The following FRY variants were observed in gnomAD, a reference collection of about 807,000 sequenced individuals.
The protein encoded by FRY is protein furry homolog.
In FRY, 128 loss-of-function variants were observed where a neutral mutation model predicts 348.4. The ratio of observed to expected loss-of-function variants is 0.37; its 90% confidence interval spans 0.32 to 0.43. The LOEUF (loss-of-function observed/expected upper bound fraction) is 0.43. Ranked by LOEUF, FRY falls within the 20% of genes least tolerant of loss-of-function variation. FRY has a pLI of 1.00. For missense variants in FRY, 2,736 were observed against 3,695.2 expected (o/e 0.74, Z 6.73); for synonymous variants, 1,370 against 1,374.7 (o/e 1.00, Z 0.08).
intron 47 of FRY, 84 bp from the exon 48 acceptor site, chr13:32,247,239 T>G: frequency 8.9e-7 from 1 of 1,126,442 alleles, no homozygotes; most frequent in Non-Finnish European, 1.3e-6. Flanking sequence ...GACTGGTCAC[T>G]AGCTTCTCAC....
At position 32,186,058 on chromosome 13, in the gene FRY, G is replaced by C. The variant is rs7332228; in HGVS notation, c.3320-202G>C. ...CTTTCCCACTCTGAGTCAAGGTGCT[G>C]CTGGCTGCAACGTGAGGACAGGAAG... On this transcript the variant is annotated intron_variant, in intron 26 of 60. Coordinates refer to ENST00000542859, the MANE Select transcript of FRY (RefSeq NM_023037.3). 7.5e-3 allele frequency among the ~76,000 whole-genome samples: 1,142 copies of C among 152,312 alleles called. 7 individuals are homozygous for C. Among genetic ancestry groups the C allele is most frequent in the African/African-American group, 0.026 (1,083 of 41,556 alleles).
At chr13:32,192,601 T>C (rs1189729267) in intron 28 of FRY, among the ~76,000 whole-genome samples, 1 of 152,078 alleles carries the variant, frequency 6.6e-6, no homozygotes, top group African/African-American at 2.4e-5. Context: ...TGTTTGACCA[T>C]CCAGTTAGAA....
At chr13:32,106,505 T>C (rs1464774077) in intron 3 of FRY, among the ~76,000 whole-genome samples, 1 of 152,228 alleles carries the variant, frequency 6.6e-6, no homozygotes, top group Non-Finnish European at 1.5e-5. Context: ...ATTTTTTCTT[T>C]CTTATGTATG....
At chr13:32,176,632 T>C (rs1837823162) in intron 20 of FRY, among the ~76,000 whole-genome samples, 1 of 152,222 alleles carries the variant, frequency 6.6e-6, no homozygotes, top group Non-Finnish European at 1.5e-5. Context: ...TGGAATGGAA[T>C]ACTAAGCTTT....
chr13:32,200,039 G>A (rs1883913829), intron 29 of FRY, among the ~76,000 whole-genome samples: 1 of 152,186 alleles, frequency 6.6e-6, no homozygotes, highest in Non-Finnish European at 1.5e-5. Context: ...CACATGGCAG[G>A]AGAGTTGAAC....
intron 58 of FRY, among the ~76,000 whole-genome samples, chr13:32,282,472 G>A (rs1248723407): frequency 1.3e-5 from 2 of 152,180 alleles, no homozygotes; most frequent in Non-Finnish European, 2.9e-5. Flanking sequence ...ACTAAACCTA[G>A]CAAAGTAAAT....
intron 55 of FRY, among the ~76,000 whole-genome samples, chr13:32,273,947 A>C (rs562200965): frequency 3.9e-4 from 59 of 152,322 alleles, no homozygotes; most frequent in African/African-American, 1.4e-3. Context: ...TTTGAGTGCC[A>C]ATGTGACACT....
At position 32,228,530 on chromosome 13, in the gene FRY, T is replaced by C. The variant is rs1205946727; in HGVS notation, c.5281T>C (p.Ser1761Pro). The change falls in exon 40 of 61, where the codon TCT becomes CCT. Residue 1761 changes from serine to proline, a missense_variant. By Grantham distance (74) the Ser-to-Pro change is moderately conservative (BLOSUM62 -1). Around this residue, in one of 9 missense-constraint regions of FRY, gnomAD observed 794 missense variants for 977.0 expected, o/e 0.81. Transcript: ENST00000542859. The stretch of plus-strand genomic sequence containing the variant: ...AGGGCTTAGTTCAAGCTCCACCTCC[T>C]CTAGCATCAGTCTGGGAGGCAGCAG... ...DSGLSSSSTS[S>P]SISLGGSSGN... 2.5e-6 allele frequency: 4 copies of C among 1,613,822 alleles called. No individual in the cohort carries two copies. The South Asian group carries it at 4.4e-5, about 18-fold the overall frequency.
intron 47 of FRY, 59 bp from the exon 48 acceptor site, chr13:32,247,264 T>TA: frequency 7.2e-7 from 1 of 1,384,176 alleles, no homozygotes; most frequent in South Asian, 1.2e-5. Flanking sequence ...CATTCTGACA[T>TA]ACATTAGCTT....
Position 32,295,807 on chromosome 13 carries a change from T to A in FRY, c.*347T>A, listed in dbSNP as rs1355014032. On this transcript the variant is annotated 3_prime_UTR_variant, in exon 61 of 61. Transcript: ENST00000542859. ...CTTCCTTTCTAGAAACAATTTTAGA[T>A]TGGCAAAAGTGCAATGTTTTCTTCA... The A allele has an allele frequency of 7.4e-6, 2 of 272,100 alleles. No individual in the cohort carries two copies. The highest frequency in any genetic ancestry group is 1.4e-5 in the Non-Finnish European group (2 of 142,826). 16.9% of individuals were successfully genotyped at this position (272,100 alleles called of 1,614,324 possible).
At chr13:32,041,638 C>G (rs1872749924) in intron 1 of FRY, among the ~76,000 whole-genome samples, 1 of 152,180 alleles carries the variant, frequency 6.6e-6, no homozygotes, top group Admixed American at 6.5e-5. Flanking sequence ...TTTTGTTTCA[C>G]TTTCCTCATG....
chr13:32,268,494 AAAAAAAAAAAAATATATAT>A (rs1369595726), intron 55 of FRY, among the ~76,000 whole-genome samples: 1 of 19,018 alleles, frequency 5.3e-5, no homozygotes, highest in Non-Finnish European at 1.4e-4. Flanking sequence ...TTTAAAAAAA[AAAAAAAAAAAAATATATAT>A]ATATATATAT....
At chr13:32,170,576 G>T (rs1285237960) in intron 17 of FRY, among the ~76,000 whole-genome samples, 5 of 152,146 alleles carry the variant, frequency 3.3e-5, no homozygotes. Flanking sequence ...TAACTCTGTT[G>T]CCCAGGCTAG....
chr13:32,137,079 G>A (rs368558328), intron 11 of FRY, 107 bp downstream of exon 11: 1 of 747,806 alleles, frequency 1.3e-6, no homozygotes, highest in African/African-American at 1.7e-5. Flanking sequence ...CAGGGGAATT[G>A]TCCTATACTG....
intron 17 of FRY, among the ~76,000 whole-genome samples, chr13:32,168,879 A>G (rs770591788): frequency 1.5e-4 from 23 of 152,258 alleles, no homozygotes; most frequent in Non-Finnish European, 2.6e-4. Context: ...TTGAAATACT[A>G]TCTGAGAGTG....
chr13:32,099,251 G>C (rs1876986380), intron 2 of FRY, among the ~76,000 whole-genome samples: 2 of 151,456 alleles, frequency 1.3e-5, no homozygotes, highest in South Asian at 4.2e-4. Context: ...CCATAACAAA[G>C]ACATATATAT....
intron 2 of FRY, among the ~76,000 whole-genome samples, chr13:32,087,024 CTG>C (rs1228218566): frequency 1.3e-5 from 2 of 152,188 alleles, no homozygotes; most frequent in African/African-American, 4.8e-5. Context: ...AAGGTGCTAA[CTG>C]TGTCATGCTG....
At chr13:32,041,909 C>T (rs1327840007) in intron 1 of FRY, among the ~76,000 whole-genome samples, 1 of 152,182 alleles carries the variant, frequency 6.6e-6, no homozygotes, top group Non-Finnish European at 1.5e-5. Flanking sequence ...GGCCCATTTT[C>T]ATCTGGCAGA....
intron 20 of FRY, among the ~76,000 whole-genome samples, chr13:32,176,177 A>C (rs1882348085): frequency 6.6e-6 from 1 of 152,202 alleles, no homozygotes; most frequent in African/African-American, 2.4e-5. Context: ...TATCTGCTAC[A>C]CAAATACATT....
Sources: gnomAD v4.1 joint callset for allele counts (sites outside exome capture counted in the v4.1 genomes callset) on GRCh38, gnomAD v4.1.1 for gene constraint, gnomAD v4.1.1 regional missense constraint, MANE v1.5 for transcripts, NCBI Gene and HGNC (gene_info 2026-07-23, HGNC 2026-07-21) for gene names.